The following RIMBP2 variants were observed in gnomAD, a reference collection of about 807,000 sequenced individuals.
RIMBP2 encodes RIMS binding protein 2.
A neutral mutation model predicts 118.6 loss-of-function variants in RIMBP2; 48 were observed. That is an observed-to-expected ratio of 0.40 (90% CI 0.32 to 0.51). The LOEUF (loss-of-function observed/expected upper bound fraction) is 0.51. RIMBP2 is among the 20% of genes least tolerant of loss of function. RIMBP2 has a pLI of 0.41. For missense variants in RIMBP2, 1,551 were observed against 1,768.3 expected (o/e 0.88, Z 2.20); for synonymous variants, 762 against 742.9 (o/e 1.03, Z -0.42).
chr12:130,677,282 A>T (rs2064535548), intron 1 of RIMBP2, among the ~76,000 whole-genome samples: 2 of 152,156 alleles, frequency 1.3e-5, no homozygotes, highest in Admixed American at 1.3e-4. Flanking sequence ...AGTACACACA[A>T]GTGACAAGTC....
chr12:130,439,428 T>TGTATGTGG (rs1410057160), intron 11 of RIMBP2, among the ~76,000 whole-genome samples: 1 of 149,134 alleles, frequency 6.7e-6, no homozygotes, highest in Non-Finnish European at 1.5e-5. Context: ...TGGGTATATG[T>TGTATGTGG]GTATGTGGGT....
intron 6 of RIMBP2, among the ~76,000 whole-genome samples, chr12:130,461,215 C>T (rs1373482430): frequency 5.3e-5 from 8 of 152,158 alleles, no homozygotes; most frequent in Non-Finnish European, 1.2e-4. Context: ...TGTAGGGACG[C>T]TGGCTCTGCC....
At chr12:130,582,743 A>G (rs1469194398) in intron 2 of RIMBP2, among the ~76,000 whole-genome samples, 1 of 152,236 alleles carries the variant, frequency 6.6e-6, no homozygotes, top group Non-Finnish European at 1.5e-5. Context: ...GGAGGGGCCC[A>G]GCCCTCTGTC....
At chr12:130,449,375 C>G (rs1008614047) in intron 9 of RIMBP2, among the ~76,000 whole-genome samples, 2 of 152,244 alleles carry the variant, frequency 1.3e-5, no homozygotes, top group African/African-American at 4.8e-5. Flanking sequence ...CCGTGGAGGA[C>G]CTGAGAGGTG....
intron 21 of RIMBP2, among the ~76,000 whole-genome samples, chr12:130,401,157 C>T (rs1157089271): frequency 2.6e-5 from 4 of 151,994 alleles, no homozygotes; most frequent in African/African-American, 4.8e-5. Flanking sequence ...GCTCTGTCAC[C>T]CAGGCTGAAG....
intron 2 of RIMBP2, among the ~76,000 whole-genome samples, chr12:130,550,961 G>A (rs554731643): frequency 6.6e-6 from 1 of 152,330 alleles, no homozygotes; most frequent in Admixed American, 6.5e-5. Flanking sequence ...TGGAAAGCAA[G>A]CACCTGTGTG....
At chr12:130,645,995 T>C (rs1292911592) in intron 1 of RIMBP2, among the ~76,000 whole-genome samples, 2 of 152,032 alleles carry the variant, frequency 1.3e-5, no homozygotes, top group African/African-American at 2.4e-5. Context: ...GGAACAACAC[T>C]TTGCGTTTCA....
intron 1 of RIMBP2, chr12:130,660,079 A>G (rs2063591643): frequency 6.6e-6 from 1 of 150,560 alleles, no homozygotes; most frequent in African/African-American, 2.4e-5. Context: ...ATCTCGGCTC[A>G]TTGCAACCTC....
rs542707095 is a variant in RIMBP2 at position 130,657,164 on chromosome 12, G to T, written c.-351-28708C>A. Among the ~76,000 whole-genome samples, 4 of 152,214 alleles carry T rather than the reference G, an allele frequency of 2.6e-5. No homozygotes were observed. In the South Asian group the frequency reaches 8.3e-4, roughly 31 times the overall value. On this transcript the variant is annotated intron_variant, in intron 1 of 22. Coordinates refer to ENST00000690449, the MANE Select transcript of RIMBP2 (RefSeq NM_001393629.1). The stretch of plus-strand genomic sequence containing the variant: ...CCTCCCAGCTTGGCCTTTCAAAGCT[G>T]GGATTACAGGTGTGTGTCACCACAC...
intron 1 of RIMBP2, among the ~76,000 whole-genome samples, chr12:130,713,863 A>G (rs1566477761): frequency 1.3e-5 from 2 of 152,202 alleles, no homozygotes; most frequent in East Asian, 1.9e-4. Flanking sequence ...CCAAAGGCCA[A>G]CAGAGAGCTG....
chr12:130,708,292 A>C (rs1438904295), intron 1 of RIMBP2, among the ~76,000 whole-genome samples: 1 of 152,174 alleles, frequency 6.6e-6, no homozygotes, highest in African/African-American at 2.4e-5. Flanking sequence ...AAATGTTCTA[A>C]CATTGATGAC....
chr12:130,614,419 G>A (rs1566370112), intron 2 of RIMBP2, among the ~76,000 whole-genome samples: 1 of 152,088 alleles, frequency 6.6e-6, no homozygotes, highest in Admixed American at 6.6e-5. Flanking sequence ...TGTTAGATGT[G>A]GAAAAACTGA....
Position 130,422,580 on chromosome 12 carries a change from C to A in RIMBP2, c.3130-19G>T, listed in dbSNP as rs1261464805. 2 of 1,556,476 alleles carry A rather than the reference C, an allele frequency of 1.3e-6. No homozygotes were observed. The highest frequency in any genetic ancestry group is 3.6e-5 in the Admixed American group (2 of 55,282). ...CTAAAATCTAAAGACAAAACAACAA[C>A]AAAGTCGTAAGTCTCGCCAGCATTG... On this transcript the variant is annotated intron_variant, in intron 16 of 22. Transcript: ENST00000690449. This position sits in a 1 kb window ranked among gnomAD's most constrained non-coding sequence, Gnocchi z 5.2.
chr12:130,449,541 C>T (rs966017575), intron 9 of RIMBP2, among the ~76,000 whole-genome samples: 2 of 152,004 alleles, frequency 1.3e-5, no homozygotes, highest in African/African-American at 2.4e-5. Flanking sequence ...GGACACACCC[C>T]CTTTCACTCT....
At chr12:130,413,401 G>A (rs574045881) in intron 18 of RIMBP2, among the ~76,000 whole-genome samples, 8 of 152,162 alleles carry the variant, frequency 5.3e-5, no homozygotes, top group East Asian at 3.9e-4. Flanking sequence ...AGGCCAAGGC[G>A]GGCAGATCAC....
chr12:130,556,809 G>A (rs775647883), intron 2 of RIMBP2, among the ~76,000 whole-genome samples: 6 of 152,202 alleles, frequency 3.9e-5, no homozygotes, highest in Non-Finnish European at 7.3e-5. Flanking sequence ...GTGGAGAGGA[G>A]CAGGAAGGGG....
Position 130,434,954 on chromosome 12 carries a change from C to T in RIMBP2, c.2107-74G>A. ...TACGCTCAGCCCCACCTGCATTCAC[C>T]AAACCTTCAGCCCCTCAGAGCCTGG... is the stretch of plus-strand genomic sequence containing the variant. On this transcript the variant is annotated intron_variant, in intron 13 of 22. Coordinates refer to ENST00000690449, the MANE Select transcript of RIMBP2 (RefSeq NM_001393629.1). This position sits in a 1 kb window ranked among gnomAD's most constrained non-coding sequence, Gnocchi z 5.7. The T allele has an allele frequency of 6.7e-7, 1 of 1,484,636 alleles. No homozygotes were observed. Among genetic ancestry groups the T allele is most frequent in the Non-Finnish European group, 9.0e-7 (1 of 1,107,660 alleles). 92.0% of individuals were successfully genotyped at this position (1,484,636 alleles called of 1,614,324 possible).
At chr12:130,415,882 A>G (rs2076069687) in intron 17 of RIMBP2, among the ~76,000 whole-genome samples, 1 of 152,220 alleles carries the variant, frequency 6.6e-6, no homozygotes, top group African/African-American at 2.4e-5. Context: ...AATGTATAAA[A>G]ATCAGTAGCA....
chr12:130,492,217 C>A (rs2048707682), intron 4 of RIMBP2, among the ~76,000 whole-genome samples: 1 of 152,164 alleles, frequency 6.6e-6, no homozygotes. Context: ...TGCAAGCACT[C>A]ACAGAACCCA....
Sources: allele counts gnomAD v4.1 joint callset (sites outside exome capture counted in the v4.1 genomes callset), GRCh38; gene constraint gnomAD v4.1.1; non-coding constraint Gnocchi (gnomAD v3.1); transcripts MANE v1.5; gene names NCBI Gene and HGNC (gene_info 2026-07-23, HGNC 2026-07-21).